The following PLA2G4C variants were observed in gnomAD, a reference collection of about 807,000 sequenced individuals.
PLA2G4C encodes phospholipase A2 group IVC.
In PLA2G4C, 64 loss-of-function variants were observed where a neutral mutation model predicts 73.8. The ratio of observed to expected loss-of-function variants is 0.87; its 90% CI spans 0.71 to 1.07. The LOEUF (loss-of-function observed/expected upper bound fraction) is 1.07, where lower values mean the gene tolerates loss of function less well. PLA2G4C is among the 50% of genes least tolerant of loss of function. PLA2G4C has a pLI of 0.00. For synonymous variants in PLA2G4C, 254 were observed against 252.1 expected, an observed-to-expected ratio of 1.01 and a Z score of -0.07; for missense variants, 622 against 665.4, an observed-to-expected ratio of 0.93 and a Z score of 0.72.
At chr19:48,076,406 G>C (rs187759591) in intron 11 of PLA2G4C, among the ~76,000 whole-genome samples, 26 of 152,276 alleles carry the variant, frequency 1.7e-4, no homozygotes, top group Non-Finnish European at 3.2e-4. Context: ...TCCTCTCATG[G>C]AACAGACAAG....
At position 48,054,860 on chromosome 19, in the gene PLA2G4C, C is replaced by A. The variant is rs1194842641; in HGVS notation, c.1429+18G>T. 6.2e-7 allele frequency: 1 copy of A among 1,612,968 alleles called. No individual in the cohort carries two copies. The highest frequency in any genetic ancestry group is 1.1e-5 in the South Asian group (1 of 91,060). ...ACTAATACAGGTGGCTTCTCACCTG[C>A]TCCTCCCCTGCACCTACCTCCACAG... is the stretch of plus-strand genomic sequence containing the variant. On this transcript the variant is annotated intron_variant, in intron 15 of 16. Coordinates refer to ENST00000599921, the MANE Select transcript of PLA2G4C (RefSeq NM_003706.3).
intron 12 of PLA2G4C, among the ~76,000 whole-genome samples, chr19:48,071,451 C>T (rs761274454): frequency 5.3e-5 from 8 of 151,940 alleles, no homozygotes; most frequent in South Asian, 2.1e-4. Context: ...CCACCACGCC[C>T]GGCGAATTTT....
At chr19:48,090,093 G>A in intron 8 of PLA2G4C, 1 of 439,102 alleles carries the variant, frequency 2.3e-6, no homozygotes, top group Non-Finnish European at 4.1e-6. Context: ...TGGCACAGAG[G>A]CAGAAACCGA....
intron 14 of PLA2G4C, 157 bp from the exon 15 acceptor site, chr19:48,055,206 GAA>G (rs1229691461): frequency 3.6e-5 from 24 of 658,958 alleles, no homozygotes; most frequent in Non-Finnish European, 5.9e-5. Context: ...TTCTGTAAGG[GAA>G]AGAGTAAGCC....
At chr19:48,067,200 G>A (rs548905085) in intron 13 of PLA2G4C, among the ~76,000 whole-genome samples, 8 of 149,688 alleles carry the variant, frequency 5.3e-5, no homozygotes, top group African/African-American at 1.7e-4. Flanking sequence ...ATGGTGTCTC[G>A]CTCTGTTGCC....
chr19:48,100,919 GAA>G (rs57288809), intron 4 of PLA2G4C, among the ~76,000 whole-genome samples: 10 of 120,288 alleles, frequency 8.3e-5, no homozygotes, highest in Non-Finnish European at 1.8e-4. Context: ...ATCTCAAAAA[GAA>G]AAAAAAAAAG....
chr19:48,097,872 G>T, intron 6 of PLA2G4C: 1 of 348,430 alleles, frequency 2.9e-6, no homozygotes, highest in Non-Finnish European at 5.2e-6. Context: ...TCCCACCTCA[G>T]CCTCCCAAAC....
At chr19:48,058,782 CA>C (rs1325635078) in intron 14 of PLA2G4C, among the ~76,000 whole-genome samples, 5 of 149,464 alleles carry the variant, frequency 3.3e-5, no homozygotes, top group African/African-American at 1.2e-4. Flanking sequence ...CGCACCACAG[CA>C]CACCAGCCTG....
chr19:48,057,785 C>T (rs1014045642), intron 14 of PLA2G4C, among the ~76,000 whole-genome samples: 4 of 150,998 alleles, frequency 2.6e-5, no homozygotes, highest in Admixed American at 1.3e-4. Flanking sequence ...CCACCGCACC[C>T]GGCTTCTTCT....
intron 13 of PLA2G4C, among the ~76,000 whole-genome samples, chr19:48,065,991 G>C (rs1011885980): frequency 5.3e-5 from 8 of 152,090 alleles, no homozygotes; most frequent in African/African-American, 1.9e-4. Flanking sequence ...TACTCGGGAG[G>C]CAGGAGAATC....
chr19:48,059,978 C>A (rs1968107825), intron 14 of PLA2G4C, among the ~76,000 whole-genome samples: 1 of 151,892 alleles, frequency 6.6e-6, no homozygotes, highest in Non-Finnish European at 1.5e-5. Flanking sequence ...ACCAGGTTGA[C>A]CAGGCTGGTC....
intron 4 of PLA2G4C, among the ~76,000 whole-genome samples, chr19:48,101,818 G>A (rs2031934784): frequency 6.6e-6 from 1 of 151,402 alleles, no homozygotes; most frequent in African/African-American, 2.4e-5. Context: ...GGGATTACAG[G>A]TGCGTGCCAC....
intron 6 of PLA2G4C, chr19:48,096,881 T>TGCG (rs1600241861): frequency 6.6e-6 from 1 of 151,656 alleles, no homozygotes; most frequent in African/African-American, 2.4e-5. Context: ...GATGGCCGGG[T>TGCG]GCGGTGGCTC....
chr19:48,104,328 A>C, intron 4 of PLA2G4C: 3 of 399,594 alleles, frequency 7.5e-6, no homozygotes, highest in Non-Finnish European at 1.4e-5. Flanking sequence ...CCAGTCGGTC[A>C]GAAGCACCAG....
At chr19:48,054,580 G>A (rs970458097) in intron 15 of PLA2G4C, among the ~76,000 whole-genome samples, 3 of 151,850 alleles carry the variant, frequency 2.0e-5, no homozygotes, top group African/African-American at 7.3e-5. Flanking sequence ...CTCCCAAAGT[G>A]CTGGGATTAC....
chr19:48,085,061 A>C lies in PLA2G4C; in HGVS notation c.842T>G (p.Phe281Cys), dbSNP rs763270939. The C allele has an allele frequency of 1.2e-6, 2 of 1,608,520 alleles. No homozygotes were observed. The highest frequency in any genetic ancestry group is 1.7e-6 in the Non-Finnish European group (2 of 1,174,886). Residue 281 changes from phenylalanine to cysteine, a missense_variant and splice_region_variant, in exon 10 of 17, where the codon TTT becomes TGT. By Grantham distance (205) the Phe-to-Cys change is radical. Coordinates refer to ENST00000599921, the MANE Select transcript of PLA2G4C (RefSeq NM_003706.3). The stretch of plus-strand genomic sequence containing the variant: ...CTTTCTGTTCCCCAAATACTCACCA[A>C]AAATAAGGTGTCCAATGCTTTTAGC... Reference protein sequence around the residue: ...ANAKSIGHLIFARLLRLQESS... With the variant: ...ANAKSIGHLICARLLRLQESS...
intron 9 of PLA2G4C, 36 bp downstream of exon 9, chr19:48,088,650 T>A (rs753444055): frequency 6.5e-7 from 1 of 1,528,210 alleles, no homozygotes; most frequent in East Asian, 2.2e-5. Flanking sequence ...CGGTCCCCAT[T>A]ATCATCAGGG....
chr19:48,097,608 G>C (rs1312264290), intron 6 of PLA2G4C, among the ~76,000 whole-genome samples: 1 of 150,780 alleles, frequency 6.6e-6, no homozygotes, highest in Admixed American at 6.6e-5. Flanking sequence ...CTTCTTTTTG[G>C]GGGGACAGGG....
intron 14 of PLA2G4C, among the ~76,000 whole-genome samples, chr19:48,057,478 T>C (rs1044621187): frequency 5.9e-5 from 3 of 51,110 alleles, no homozygotes; most frequent in African/African-American, 1.1e-4. Flanking sequence ...CTTCTTCTTC[T>C]TCTTCTTTTT....
Sources: gnomAD v4.1 joint callset for allele counts (sites outside exome capture counted in the v4.1 genomes callset) on GRCh38, gnomAD v4.1.1 for gene constraint, MANE v1.5 for transcripts, NCBI Gene and HGNC (gene_info 2026-07-23, HGNC 2026-07-21) for gene names.